Variants in RTF1 observed in about 807,000 individuals in gnomAD.
RTF1 encodes RNA polymerase-associated protein RTF1 homolog.
RTF1 carries 10 observed loss-of-function variants against 95.7 expected under a neutral mutation model. The ratio of observed to expected loss-of-function variants is 0.10; its 90% confidence interval spans 0.06 to 0.18. RTF1 has a LOEUF of 0.18. Among genes scored for constraint, RTF1 ranks in the 10% least tolerant of loss-of-function variants. The pLI is 1.00. For synonymous variants in RTF1, 305 were observed against 311.8 expected (o/e 0.98, Z 0.23); for missense variants, 458 against 875.6 (o/e 0.52, Z 6.02).
intron 17 of RTF1, 63 bp from the exon 18 acceptor site, chr15:41,480,518 G>A (rs998722624): frequency 8.7e-5 from 107 of 1,235,232 alleles, no homozygotes; most frequent in Non-Finnish European, 1.2e-4. Context: ...CTGCAGGAGT[G>A]TAGCACAGGA....
intron 7 of RTF1, 145 bp from the exon 8 acceptor site, chr15:41,471,027 C>G: frequency 1.5e-6 from 1 of 687,342 alleles, no homozygotes; most frequent in Non-Finnish European, 2.4e-6. Context: ...GATCCTATTA[C>G]AAGTCTTTGC....
intron 3 of RTF1, among the ~76,000 whole-genome samples, chr15:41,455,077 A>C (rs1482889187): frequency 6.6e-6 from 1 of 152,166 alleles, no homozygotes; most frequent in Non-Finnish European, 1.5e-5. Flanking sequence ...GCACTTTGGG[A>C]GGCCAAGGCA....
intron 1 of RTF1, among the ~76,000 whole-genome samples, chr15:41,420,059 G>A (rs1359275288): frequency 6.6e-6 from 1 of 152,104 alleles, no homozygotes; most frequent in Non-Finnish European, 1.5e-5. Flanking sequence ...GACCTCAAGT[G>A]ATATGCCCAC....
rs1434003895 is a variant in RTF1, at chr15:41,450,428, A to G, written c.310-2473A>G. Among the ~76,000 whole-genome samples the G allele has an allele frequency of 2.6e-5, 4 of 152,000 alleles. No individual in the cohort carries two copies. The South Asian group carries it at 8.3e-4, about 32-fold the overall frequency. ...TGGAGAAACCCCGTCTCTGCTAAAA[A>G]TACAAAATTAGCCGGGCGTGGTGGC... On this transcript the variant is annotated intron_variant, in intron 2 of 17. Coordinates refer to ENST00000389629, the MANE Select transcript of RTF1 (RefSeq NM_015138.5).
At chr15:41,424,106 T>C (rs1027640126) in intron 1 of RTF1, among the ~76,000 whole-genome samples, 5 of 152,152 alleles carry the variant, frequency 3.3e-5, no homozygotes, top group Admixed American at 2.6e-4. Flanking sequence ...ACTAGAGCTA[T>C]TGGGTGAACA....
chr15:41,471,301 T>C lies in RTF1; in HGVS notation c.1155T>C (p.Cys385=), dbSNP rs766359715. 2.5e-6 allele frequency: 4 copies of C among 1,613,906 alleles called. No individual in the cohort carries two copies. The highest frequency in any genetic ancestry group is 3.4e-6 in the Non-Finnish European group (4 of 1,179,948). ...TCTTTGCTAAAACTGTCACAGGATG[T>C]TTTGTGCGGATTGGCATCGGAAACC... is the stretch of plus-strand genomic sequence containing the variant. ...MPFFAKTVTG[C]FVRIGIGNHN... is the part of the protein sequence containing the mutation. Residue 385 remains cysteine, a synonymous_variant, in exon 8 of 18, where the codon TGT becomes TGC. Coordinates refer to ENST00000389629, the MANE Select transcript of RTF1 (RefSeq NM_015138.5).
In RTF1 at chr15:41,469,922, G is replaced by A. The variant is rs1049124763; in HGVS notation, c.890-335G>A. Among the ~76,000 whole-genome samples, 3 of 152,168 alleles carry A rather than the reference G, an allele frequency of 2.0e-5. No homozygotes were observed. The East Asian group carries it at 5.8e-4, about 29-fold the overall frequency. On this transcript the variant is annotated intron_variant, in intron 6 of 17. Transcript: ENST00000389629. ...TTTTAAATTTTCCTCAGAAGCTTCT[G>A]AAGTCATCATGAGTCTTTCCCCCTC...
chr15:41,422,478 T>G (rs1250150355), intron 1 of RTF1, among the ~76,000 whole-genome samples: 2 of 152,192 alleles, frequency 1.3e-5, no homozygotes, highest in Non-Finnish European at 1.5e-5. Flanking sequence ...GGGCTCTATG[T>G]CATCTCCCTT....
chr15:41,441,270 C>T (rs896026901), intron 2 of RTF1, among the ~76,000 whole-genome samples: 3 of 152,068 alleles, frequency 2.0e-5, no homozygotes, highest in Non-Finnish European at 2.9e-5. Context: ...CATGTCTGGC[C>T]TCTCTCCCAC....
intron 4 of RTF1, among the ~76,000 whole-genome samples, chr15:41,460,121 G>GTTTTTT (rs869235078): frequency 7.9e-4 from 66 of 83,352 alleles, no homozygotes; most frequent in Non-Finnish European, 1.5e-3. Flanking sequence ...TTTTGTTTTT[G>GTTTTTT]TTTTTTTTTT....
At chr15:41,453,105 T>A in intron 3 of RTF1, 57 bp downstream of exon 3, 1 of 1,448,270 alleles carries the variant, frequency 6.9e-7, no homozygotes, top group Non-Finnish European at 9.2e-7. Flanking sequence ...AGCTTGAAGG[T>A]GCAAAGGCAG....
At chr15:41,465,756 C>A (rs1237205372) in intron 5 of RTF1, among the ~76,000 whole-genome samples, 1 of 152,100 alleles carries the variant, frequency 6.6e-6, no homozygotes, top group East Asian at 1.9e-4. Context: ...TCATCCTTTA[C>A]TTGGTATAAA....
At chr15:41,443,539 G>T (rs951729423) in intron 2 of RTF1, among the ~76,000 whole-genome samples, 10 of 151,806 alleles carry the variant, frequency 6.6e-5, no homozygotes. Flanking sequence ...AAGAGTGATT[G>T]GAAGGGAAGA....
At chr15:41,476,606 G>A in intron 12 of RTF1, 83 bp downstream of exon 12, 2 of 1,299,304 alleles carry the variant, frequency 1.5e-6, no homozygotes, top group Non-Finnish European at 1.1e-6. Flanking sequence ...CCAAGTTAGT[G>A]GTGGTAGGAT....
At chr15:41,443,506 G>A (rs2050745718) in intron 2 of RTF1, among the ~76,000 whole-genome samples, 1 of 151,928 alleles carries the variant, frequency 6.6e-6, no homozygotes, top group South Asian at 2.1e-4. Flanking sequence ...TTTGATCAGA[G>A]AAGCATCATC....
intron 1 of RTF1, among the ~76,000 whole-genome samples, chr15:41,425,724 A>G (rs913955879): frequency 2.6e-5 from 4 of 152,140 alleles, no homozygotes; most frequent in Non-Finnish European, 5.9e-5. Flanking sequence ...ACTTGGATTG[A>G]TATGGTTGTT....
At chr15:41,479,048 A>G in intron 15 of RTF1, 55 bp from the exon 16 acceptor site, 1 of 1,232,494 alleles carries the variant, frequency 8.1e-7, no homozygotes. Context: ...AGAATCTGGC[A>G]GTAGGACTCT....
chr15:41,423,334 T>G (rs140311604), intron 1 of RTF1, among the ~76,000 whole-genome samples: 231 of 152,220 alleles, frequency 1.5e-3, no homozygotes, highest in Non-Finnish European at 2.2e-3. Context: ...CTTGTTAATT[T>G]CACTCTTTTC....
In RTF1 at chr15:41,434,992, G is replaced by A. The variant is rs1297059843; in HGVS notation, c.199-3329G>A. Among the ~76,000 whole-genome samples, 14 of 145,918 alleles carry A rather than the reference G, an allele frequency of 9.6e-5. No individual in the cohort carries two copies. In the East Asian group the frequency reaches 2.2e-3, roughly 23 times the overall value. On this transcript the variant is annotated intron_variant, in intron 1 of 17. Coordinates refer to ENST00000389629, the MANE Select transcript of RTF1 (RefSeq NM_015138.5). ...TTTTTTTTTTTTGAGATGGAGTCTCGCTCTGTCGCCCATGCTGGAGTGCAG... is the reference window on the plus strand; with the variant it reads ...TTTTTTTTTTTTGAGATGGAGTCTCACTCTGTCGCCCATGCTGGAGTGCAG...
Sources: gnomAD v4.1 joint callset for allele counts (sites outside exome capture counted in the v4.1 genomes callset) on GRCh38, gnomAD v4.1.1 for gene constraint, MANE v1.5 for transcripts, NCBI Gene and HGNC (gene_info 2026-07-23, HGNC 2026-07-21) for gene names.